Variants in PDGFD observed in about 807,000 individuals in gnomAD.
PDGFD encodes platelet-derived growth factor D.
Under a neutral mutation model 44.7 loss-of-function variants are expected in PDGFD, and 30 were observed. The ratio of observed to expected loss-of-function variants is 0.67; its 90% CI spans 0.50 to 0.91. The LOEUF is 0.91. Among genes scored for constraint, PDGFD ranks in the 40% least tolerant of loss-of-function variants. The pLI is 0.00. For missense variants in PDGFD, 445 were observed against 457.8 expected (o/e 0.97, Z 0.25); for synonymous variants, 173 against 168.4 (o/e 1.03, Z -0.21).
chr11:104,099,969 C>T (rs1473656102), intron 1 of PDGFD, among the ~76,000 whole-genome samples: 2 of 152,078 alleles, frequency 1.3e-5, no homozygotes, highest in Non-Finnish European at 2.9e-5. Flanking sequence ...TCATTAATAC[C>T]TCTCAATCCA....
intron 1 of PDGFD, among the ~76,000 whole-genome samples, chr11:104,121,486 G>A (rs961476505): frequency 6.6e-5 from 10 of 151,946 alleles, no homozygotes; most frequent in African/African-American, 2.2e-4. Context: ...TGAAAAATCA[G>A]CTTTTTCTTT....
intron 1 of PDGFD, among the ~76,000 whole-genome samples, chr11:104,033,976 T>TATCATAAAA: frequency 6.6e-6 from 1 of 152,310 alleles, no homozygotes. Flanking sequence ...AATTAAAAAA[T>TATCATAAAA]AATCCTTATA....
At chr11:104,050,418 T>A (rs1019467249) in intron 1 of PDGFD, among the ~76,000 whole-genome samples, 2 of 152,156 alleles carry the variant, frequency 1.3e-5, no homozygotes, top group Non-Finnish European at 2.9e-5. Context: ...TAGTTGAATT[T>A]CAGGCCAGTC....
intron 5 of PDGFD, among the ~76,000 whole-genome samples, chr11:103,940,377 G>C (rs995763635): frequency 1.3e-5 from 2 of 151,992 alleles, no homozygotes; most frequent in Non-Finnish European, 2.9e-5. Context: ...CATCTGTCTG[G>C]ACAAATCAGA....
intron 1 of PDGFD, among the ~76,000 whole-genome samples, chr11:104,048,410 A>G (rs948585064): frequency 6.6e-6 from 1 of 151,964 alleles, no homozygotes; most frequent in African/African-American, 2.4e-5. Flanking sequence ...TCTTGAATGA[A>G]CAAAGCTACT....
intron 1 of PDGFD, among the ~76,000 whole-genome samples, chr11:104,089,471 G>A (rs1861180023): frequency 6.6e-6 from 1 of 152,004 alleles, no homozygotes; most frequent in South Asian, 2.1e-4. Flanking sequence ...TTTTCATGTA[G>A]GTTTGATGTT....
intron 3 of PDGFD, among the ~76,000 whole-genome samples, chr11:103,981,042 A>C (rs534532587): frequency 6.7e-6 from 1 of 149,280 alleles, no homozygotes; most frequent in East Asian, 1.9e-4. Context: ...TGTCCTCTCC[A>C]AAACTCATGT....
At chr11:103,961,464 T>A (rs561845040) in intron 3 of PDGFD, among the ~76,000 whole-genome samples, 2 of 152,118 alleles carry the variant, frequency 1.3e-5, no homozygotes, top group East Asian at 3.9e-4. Flanking sequence ...TGTATGATAA[T>A]TAAGGATTTT....
intron 1 of PDGFD, among the ~76,000 whole-genome samples, chr11:104,089,017 A>G (rs1197011494): frequency 6.6e-6 from 1 of 152,232 alleles, no homozygotes; most frequent in Non-Finnish European, 1.5e-5. Context: ...AGCTAAAGTT[A>G]GAAAGATGAG....
intron 1 of PDGFD, among the ~76,000 whole-genome samples, chr11:104,133,777 A>C (rs1861959105): frequency 6.6e-6 from 1 of 152,166 alleles, no homozygotes; most frequent in Non-Finnish European, 1.5e-5. Context: ...CCAGTCTATC[A>C]ATTAAAACAA....
At chr11:104,036,589 C>T in intron 1 of PDGFD, 1 of 571,260 alleles carries the variant, frequency 1.8e-6, no homozygotes, top group Non-Finnish European at 3.1e-6. Flanking sequence ...TAGAAATGGA[C>T]TTTGGAACAC....
intron 1 of PDGFD, among the ~76,000 whole-genome samples, chr11:104,084,677 AAAT>A (rs1447014887): frequency 2.1e-5 from 3 of 145,330 alleles, no homozygotes; most frequent in South Asian, 4.2e-4. Flanking sequence ...AATTATGATA[AAAT>A]AATTATATAG....
At chr11:103,943,925 GA>G (rs34459251) in intron 4 of PDGFD, among the ~76,000 whole-genome samples, 77,499 of 151,866 alleles carry the variant, frequency 0.51, 22,252 homozygotes, top group African/African-American at 0.79. Context: ...TAAAAATATA[GA>G]ACGAGATAGA....
At chr11:103,940,665 T>A (rs887328667) in intron 5 of PDGFD, among the ~76,000 whole-genome samples, 8 of 152,194 alleles carry the variant, frequency 5.3e-5, no homozygotes, top group Non-Finnish European at 8.8e-5. Flanking sequence ...TGACTTCCCT[T>A]GTTTTTGTGA....
chr11:104,117,140 A>G (rs528866029), intron 1 of PDGFD, among the ~76,000 whole-genome samples: 2 of 152,202 alleles, frequency 1.3e-5, no homozygotes, highest in African/African-American at 4.8e-5. Flanking sequence ...TCAAATGATC[A>G]TCTCAATAGA....
rs1044387682 is a variant in PDGFD, at chr11:104,149,625, T to C, written c.124+14179A>G. 2.6e-5 allele frequency among the ~76,000 whole-genome samples: 4 copies of C among 152,270 alleles called. No homozygotes were observed. In the East Asian group the frequency reaches 7.7e-4, roughly 29 times the overall value. On this transcript the variant is annotated intron_variant, in intron 1 of 6. Transcript: ENST00000393158. ...GAGTGCTTCCCTCCTGCTCCATTTG[T>C]TGTAGTGCACTTGTATGATTATTTT...
intron 1 of PDGFD, among the ~76,000 whole-genome samples, chr11:104,077,551 T>A (rs1860977404): frequency 6.6e-6 from 1 of 152,174 alleles, no homozygotes; most frequent in African/African-American, 2.4e-5. Flanking sequence ...AGGTTTTTGA[T>A]ATGGCTGCAG....
intron 1 of PDGFD, among the ~76,000 whole-genome samples, chr11:104,151,039 G>T (rs1038195369): frequency 6.6e-6 from 1 of 152,066 alleles, no homozygotes; most frequent in African/African-American, 2.4e-5. Flanking sequence ...ATTAAAGTTG[G>T]ATGAATACAT....
intron 1 of PDGFD, among the ~76,000 whole-genome samples, chr11:104,103,658 TC>T (rs1294418609): frequency 6.6e-6 from 1 of 151,670 alleles, no homozygotes; most frequent in Non-Finnish European, 1.5e-5. Context: ...GCTGAAAATA[TC>T]CTATTGCCTA....
Sources: gnomAD v4.1 joint callset for allele counts (sites outside exome capture counted in the v4.1 genomes callset) on GRCh38, gnomAD v4.1.1 for gene constraint, MANE v1.5 for transcripts, NCBI Gene and HGNC (gene_info 2026-07-23, HGNC 2026-07-21) for gene names.